MYO5B: variants seen among roughly 807,000 people sequenced by gnomAD.
MYO5B encodes unconventional myosin-Vb.
In MYO5B, 143 loss-of-function variants were observed where a neutral mutation model predicts 229.3. That is an observed-to-expected ratio of 0.62 (90% CI 0.54 to 0.72). The LOEUF is 0.72. Among genes scored for constraint, MYO5B ranks in the 30% least tolerant of loss-of-function variants. The pLI is 0.00. For missense variants in MYO5B, 2,321 were observed against 2,331.0 expected, an observed-to-expected ratio of 1.00 and a Z score of 0.09; for synonymous variants, 918 against 885.2, an observed-to-expected ratio of 1.04 and a Z score of -0.66.
At chr18:50,191,756 C>G (rs918275873) in intron 1 of MYO5B, among the ~76,000 whole-genome samples, 2 of 151,970 alleles carry the variant, frequency 1.3e-5, no homozygotes, top group African/African-American at 4.8e-5. Flanking sequence ...TTTTCTGCAC[C>G]AAAACAAACC....
chr18:50,025,318 CTCAAAGAACGCAGTT>C (rs2026319058), intron 4 of MYO5B, among the ~76,000 whole-genome samples: 1 of 152,164 alleles, frequency 6.6e-6, no homozygotes, highest in Non-Finnish European at 1.5e-5. Context: ...GAGAAACTAA[CTCAAAGAACGCAGTT>C]TCCACATCCC....
intron 1 of MYO5B, among the ~76,000 whole-genome samples, chr18:50,161,533 G>T (rs564289102): frequency 1.3e-5 from 2 of 151,032 alleles, no homozygotes; most frequent in Non-Finnish European, 2.9e-5. Context: ...GGGGCGGGGT[G>T]GGGGGGCACA....
chr18:49,828,682 A>C (rs957888369), intron 39 of MYO5B, among the ~76,000 whole-genome samples: 2 of 152,238 alleles, frequency 1.3e-5, no homozygotes, highest in Non-Finnish European at 2.9e-5. Flanking sequence ...ATAAATTTAA[A>C]AATATTAAAG....
intron 2 of MYO5B, among the ~76,000 whole-genome samples, chr18:50,046,485 A>G (rs969231274): frequency 6.6e-6 from 1 of 152,248 alleles, no homozygotes; most frequent in Non-Finnish European, 1.5e-5. Flanking sequence ...TTCAAGGGTC[A>G]TTCCAACTTC....
rs1452327714 is a variant in MYO5B at position 49,936,270 on chromosome 18, T to C, written c.1985A>G (p.Asp662Gly). The C allele has an allele frequency of 6.3e-7, 1 of 1,599,386 alleles. No homozygotes were observed. The highest frequency in any genetic ancestry group is 8.5e-7 in the Non-Finnish European group (1 of 1,172,314). Residue 662 changes from aspartate to glycine, a missense_variant, in exon 16 of 40, where the codon GAT becomes GGT. By Grantham distance (94) the Asp-to-Gly change is moderately conservative. Transcript: ENST00000285039. ...PHYVRCIKPNDEKLPFHFDPK... is the reference protein window; with the variant it reads ...PHYVRCIKPNGEKLPFHFDPK... Reference sequence around the variant, plus strand: ...CACTTACTGAAAGGGGAGCTTCTCATCGTTGGGCTTGATGCAGCGGACATA... The same window carrying C: ...CACTTACTGAAAGGGGAGCTTCTCACCGTTGGGCTTGATGCAGCGGACATA...
intron 4 of MYO5B, among the ~76,000 whole-genome samples, chr18:50,022,125 A>G (rs1288098031): frequency 6.6e-6 from 1 of 151,866 alleles, no homozygotes; most frequent in Admixed American, 6.6e-5. Context: ...GAGTCAGCAA[A>G]TAGAACTTCC....
chr18:49,823,676 A>G lies in MYO5B; in HGVS notation c.*2795T>C, dbSNP rs1329049158. The G allele has an allele frequency of 6.6e-6, 1 of 151,812 alleles. No homozygotes were observed. Among genetic ancestry groups the G allele is most frequent in the East Asian group, 1.9e-4 (1 of 5,188 alleles). 9.4% of individuals were successfully genotyped at this position (151,812 alleles called of 1,614,324 possible). Reference sequence around the variant, plus strand: ...CTTCATGGAAAGGGGAAAAACATCTACCTTTGGGTCTAATCTGCCTCCCAG... The same window carrying G: ...CTTCATGGAAAGGGGAAAAACATCTGCCTTTGGGTCTAATCTGCCTCCCAG... On this transcript the variant is annotated 3_prime_UTR_variant, in exon 40 of 40. Coordinates refer to ENST00000285039, the MANE Select transcript of MYO5B (RefSeq NM_001080467.3).
chr18:50,177,111 A>G (rs149673267), intron 1 of MYO5B, among the ~76,000 whole-genome samples: 1 of 152,228 alleles, frequency 6.6e-6, no homozygotes, highest in East Asian at 1.9e-4. Context: ...ACAATTATAT[A>G]AATCAGGATA....
At chr18:50,020,832 G>C (rs1383617584) in intron 4 of MYO5B, among the ~76,000 whole-genome samples, 1 of 152,236 alleles carries the variant, frequency 6.6e-6, no homozygotes, top group Non-Finnish European at 1.5e-5. Flanking sequence ...CAAAGTGCTA[G>C]GCCAGGGAGA....
At chr18:49,924,594 G>A (rs2025109416) in intron 17 of MYO5B, among the ~76,000 whole-genome samples, 1 of 152,202 alleles carries the variant, frequency 6.6e-6, no homozygotes, top group Non-Finnish European at 1.5e-5. Context: ...TTTGGAGCTG[G>A]CCCCAGAGGG....
intron 17 of MYO5B, among the ~76,000 whole-genome samples, chr18:49,924,864 G>A (rs940201904): frequency 6.6e-6 from 1 of 152,050 alleles, no homozygotes; most frequent in Non-Finnish European, 1.5e-5. Flanking sequence ...ACTGAACTAT[G>A]ACCATGCCAC....
intron 17 of MYO5B, among the ~76,000 whole-genome samples, chr18:49,926,331 G>A (rs761460387): frequency 4.6e-5 from 7 of 152,226 alleles, no homozygotes; most frequent in Admixed American, 1.3e-4. Context: ...CACTGCATAC[G>A]AAATGGTTCC....
intron 1 of MYO5B, among the ~76,000 whole-genome samples, chr18:50,117,667 T>C (rs1366747823): frequency 6.6e-6 from 1 of 151,386 alleles, no homozygotes; most frequent in Non-Finnish European, 1.5e-5. Flanking sequence ...TCTCTATCCA[T>C]AGGTACCAGC....
chr18:49,936,720 C>G (rs528497280), intron 15 of MYO5B, among the ~76,000 whole-genome samples: 1 of 152,138 alleles, frequency 6.6e-6, no homozygotes, highest in African/African-American at 2.4e-5. Context: ...CCCTGACATC[C>G]GATGCCTGGG....
At chr18:50,096,850 A>C (rs1434524739) in intron 1 of MYO5B, among the ~76,000 whole-genome samples, 1 of 152,062 alleles carries the variant, frequency 6.6e-6, no homozygotes, top group East Asian at 1.9e-4. Context: ...ACTGGCTTCT[A>C]TGCTGGCTCC....
chr18:49,853,403 G>C (rs950217215), intron 31 of MYO5B, 46 bp downstream of exon 31: 2 of 1,606,212 alleles, frequency 1.2e-6, no homozygotes, highest in Admixed American at 3.3e-5. Context: ...TTTGCTTCTA[G>C]AACGTGACTT....
intron 12 of MYO5B, among the ~76,000 whole-genome samples, chr18:49,960,630 A>T (rs2025548157): frequency 6.6e-6 from 1 of 152,216 alleles, no homozygotes; most frequent in Admixed American, 6.5e-5. Context: ...GAATTTCCAG[A>T]ACAATTAAAC....
intron 18 of MYO5B, among the ~76,000 whole-genome samples, chr18:49,910,720 T>A (rs1312924316): frequency 6.6e-6 from 1 of 152,200 alleles, no homozygotes; most frequent in African/African-American, 2.4e-5. Flanking sequence ...GGAAGATGGC[T>A]GCGACACATT....
intron 17 of MYO5B, among the ~76,000 whole-genome samples, chr18:49,912,642 C>T (rs2024971222): frequency 6.6e-6 from 1 of 152,204 alleles, no homozygotes; most frequent in African/African-American, 2.4e-5. Flanking sequence ...ACTTGGTTCT[C>T]ATTCTCTTGC....
Sources: gnomAD v4.1 joint callset for allele counts (sites outside exome capture counted in the v4.1 genomes callset) on GRCh38, gnomAD v4.1.1 for gene constraint, MANE v1.5 for transcripts, NCBI Gene and HGNC (gene_info 2026-07-23, HGNC 2026-07-21) for gene names.